Variants in PRDM13 observed in about 807,000 individuals in gnomAD.
The protein encoded by PRDM13 is PR/SET domain 13.
Under a neutral mutation model 36.4 loss-of-function variants are expected in PRDM13, and 15 were observed. The ratio of observed to expected loss-of-function variants is 0.41; its 90% CI spans 0.28 to 0.64. PRDM13 has a LOEUF of 0.64. Among genes scored for constraint, PRDM13 ranks in the 30% least tolerant of loss-of-function variants. The pLI, the probability that PRDM13 is intolerant of heterozygous loss-of-function variation, is 0.29. For missense variants in PRDM13, 1,044 were observed against 1,013.5 expected (o/e 1.03, Z -0.41); for synonymous variants, 531 against 467.7 (o/e 1.14, Z -1.75).
chr6:99,611,331 T>C (rs1770028335), intron 3 of PRDM13, among the ~76,000 whole-genome samples: 1 of 152,090 alleles, frequency 6.6e-6, no homozygotes, highest in South Asian at 2.1e-4. Context: ...GAAAACTCCC[T>C]CTTTCAAAAG....
Position 99,609,046 on chromosome 6 carries a change from C to T in PRDM13, c.277-141C>T. Reference sequence around the variant, plus strand: ...TATTGTTTTTCCGTTTGAAGGATGACGGAAGTGAGGTTCAGAGAGCTCCAG... The same window carrying T: ...TATTGTTTTTCCGTTTGAAGGATGATGGAAGTGAGGTTCAGAGAGCTCCAG... On this transcript the variant is annotated intron_variant, in intron 2 of 3. Transcript: ENST00000369215. 1.8e-5 allele frequency: 25 copies of T among 1,380,858 alleles called. 2 individuals are homozygous for T. In the South Asian group the frequency reaches 3.4e-4, roughly 19 times the overall value. The allele number at this position is 1,380,858 out of a possible 1,614,324, so 85.5% of individuals were successfully genotyped here. A position where few individuals can be genotyped will look rare whatever the true frequency, so the allele number is the denominator to read the frequency against.
intron 3 of PRDM13, among the ~76,000 whole-genome samples, chr6:99,612,239 T>G (rs1334512076): frequency 6.6e-6 from 1 of 152,218 alleles, no homozygotes; most frequent in Non-Finnish European, 1.5e-5. Flanking sequence ...GTTAATTAAT[T>G]ACCAAGTGGC....
In PRDM13 at chr6:99,613,980, G is replaced by T; in HGVS notation, c.1345G>T (p.Gly449Cys). 6.2e-7 allele frequency: 1 copy of T among 1,605,826 alleles called. No individual in the cohort carries two copies. Among genetic ancestry groups the T allele is most frequent in the Non-Finnish European group, 8.5e-7 (1 of 1,177,678 alleles). The change falls in exon 4 of 4, where the codon GGT becomes TGT. Residue 449 changes from glycine to cysteine, a missense_variant. Physicochemically the swap from Gly to Cys is radical, Grantham distance 159 (BLOSUM62 -3). Coordinates refer to ENST00000369215, the MANE Select transcript of PRDM13 (RefSeq NM_021620.4). This position sits in a 1 kb window ranked among gnomAD's most constrained non-coding sequence, Gnocchi z 6.1. ...CCCGGGCGGTCTCAAAGCCTATCCG[G>T]GTGGTGAGTGCAGCCACCTGCCCGC... ...LDPGGLKAYPGGECSHLPAVM... is the reference protein window; with the variant it reads ...LDPGGLKAYPCGECSHLPAVM...
rs1260191546 is a variant in PRDM13, at chr6:99,607,141, A to G, written c.107A>G (p.Tyr36Cys). 5 of 1,613,762 alleles carry G rather than the reference A, an allele frequency of 3.1e-6. No individual in the cohort carries two copies. The Admixed American group carries it at 5.0e-5, about 16-fold the overall frequency. The change falls in exon 1 of 4, where the codon TAC becomes TGC. Residue 36 changes from tyrosine (Y) to cysteine (C), a missense_variant. By Grantham distance (194) the Tyr-to-Cys change is radical. Transcript: ENST00000369215. ...CCTGGTACCTTCAAGCTGGGCAAGT[A>G]CCTGTCAGACCGCAGGGAGCCCGGG... ...PVPGTFKLGKYLSDRREPGPK... is the reference protein window; with the variant it reads ...PVPGTFKLGKCLSDRREPGPK...
At chr6:99,609,834 C>T (rs1770006581) in intron 3 of PRDM13, among the ~76,000 whole-genome samples, 1 of 151,784 alleles carries the variant, frequency 6.6e-6, no homozygotes, top group Non-Finnish European at 1.5e-5. Context: ...TCCAGTGAGC[C>T]GTAATGTTAC....
chr6:99,612,090 G>C (rs1770039042), intron 3 of PRDM13, among the ~76,000 whole-genome samples: 1 of 152,208 alleles, frequency 6.6e-6, no homozygotes, highest in Non-Finnish European at 1.5e-5. Context: ...GTGCCCGGTA[G>C]AGAATTCTGC....
chr6:99,609,953 A>T (rs1268256723), intron 3 of PRDM13, among the ~76,000 whole-genome samples: 1 of 152,222 alleles, frequency 6.6e-6, no homozygotes, highest in Non-Finnish European at 1.5e-5. Flanking sequence ...TTACATCATG[A>T]GTTCCACAGA....
intron 1 of PRDM13, 81 bp downstream of exon 1, chr6:99,607,259 A>G: frequency 6.4e-7 from 1 of 1,563,018 alleles, no homozygotes; most frequent in Non-Finnish European, 8.7e-7. Flanking sequence ...GAGAAAGTGG[A>G]GGAAGGGAGT....
At chr6:99,608,974 G>C (rs1181258320) in intron 2 of PRDM13, 102 bp downstream of exon 2, 1 of 1,472,804 alleles carries the variant, frequency 6.8e-7, no homozygotes, top group African/African-American at 1.4e-5. Flanking sequence ...AAGTACTTTA[G>C]CTAGACGTCT....
intron 1 of PRDM13, 25 bp downstream of exon 1, chr6:99,607,203 C>T: frequency 1.2e-6 from 2 of 1,610,560 alleles, no homozygotes; most frequent in Non-Finnish European, 1.7e-6. Flanking sequence ...GACCTCTGCC[C>T]ACTGCCATTC....
Position 99,614,359 on chromosome 6 carries a change from G to C in PRDM13, c.1724G>C (p.Cys575Ser). Residue 575 changes from cysteine to serine, a missense_variant, in exon 4 of 4, where the codon TGC becomes TCC. Coordinates refer to ENST00000369215, the MANE Select transcript of PRDM13 (RefSeq NM_021620.4). Reference protein sequence around the residue: ...GAGKPKTGHLCLYCGKLYSRK... With the variant: ...GAGKPKTGHLSLYCGKLYSRK... ...GGTAAGCCCAAGACCGGCCACCTGT[G>C]CCTCTACTGTGGCAAGCTGTACTCG... The C allele has an allele frequency of 6.2e-7, 1 of 1,612,910 alleles. No individual in the cohort carries two copies. Among genetic ancestry groups the C allele is most frequent in the Non-Finnish European group, 8.5e-7 (1 of 1,179,840 alleles).
At position 99,613,856 on chromosome 6, in the gene PRDM13, C is replaced by T. The variant is rs1373869715; in HGVS notation, c.1221C>T (p.Arg407=). Residue 407 remains arginine (R), a synonymous_variant, in exon 4 of 4, where the codon CGC becomes CGT. Transcript: ENST00000369215. The surrounding 1 kb of genome is among the most constrained non-coding windows in gnomAD (Gnocchi z 6.1). ...CGTCCGCCTTCAAGCACGTGGAGCG[C>T]GCCCCGCCCGCAGCCGCCGCGCTGC... is the stretch of plus-strand genomic sequence containing the variant. The part of the protein sequence containing the change: ...EEASAFKHVE[R]APPAAAALPG... 4 of 1,506,974 alleles carry T rather than the reference C, an allele frequency of 2.7e-6. No homozygotes were observed. Among genetic ancestry groups the T allele is most frequent in the East Asian group, 2.7e-5 (1 of 36,910 alleles). 93.4% of individuals were successfully genotyped at this position (1,506,974 alleles called of 1,614,324 possible). A position where few individuals can be genotyped will look rare whatever the true frequency, so the allele number is the denominator to read the frequency against.
rs747843877 is a variant in PRDM13 at position 99,608,745 on chromosome 6, G to A, written c.149G>A (p.Arg50His). 13 of 1,605,774 alleles carry A rather than the reference G, an allele frequency of 8.1e-6. No individual in the cohort carries two copies. Among genetic ancestry groups the A allele is most frequent in the East Asian group, 6.7e-5 (3 of 44,682 alleles). ...RREPGPKKKV[R>H]MVRGELVDES... ...CGACCACTGCTTGTGTTGCAGGTGC[G>A]CATGGTGAGAGGGGAGCTGGTGGAC... Residue 50 changes from arginine (R) to histidine (H), a missense_variant, in exon 2 of 4, where the codon CGC becomes CAC. By Grantham distance (29) the Arg-to-His change is conservative (BLOSUM62 0). This residue lies in a region of PRDM13 where 921 missense variants were observed against 865.2 expected (regional missense o/e 1.06). Coordinates refer to ENST00000369215, the MANE Select transcript of PRDM13 (RefSeq NM_021620.4).
At chr6:99,611,994 T>C (rs548582926) in intron 3 of PRDM13, among the ~76,000 whole-genome samples, 3 of 152,330 alleles carry the variant, frequency 2.0e-5, no homozygotes, top group Admixed American at 2.0e-4. Flanking sequence ...TGTCTCTTGA[T>C]TGTGTTCACA....
rs1006325638 is a variant in PRDM13, at chr6:99,613,813, C to A, written c.1178C>A (p.Ser393Tyr). ...SGALRGFPLL[S>Y]VPPEEASAFK... ...GCCCTGCGCGGCTTCCCTCTGCTCT[C>A]CGTCCCCCCGGAAGAGGCGTCCGCC... is the stretch of plus-strand genomic sequence containing the variant. The change falls in exon 4 of 4, where the codon TCC becomes TAC. Residue 393 changes from serine to tyrosine, a missense_variant. Coordinates refer to ENST00000369215, the MANE Select transcript of PRDM13 (RefSeq NM_021620.4). The surrounding 1 kb of genome is among the most constrained non-coding windows in gnomAD (Gnocchi z 6.1). 3 of 1,510,560 alleles carry A rather than the reference C, an allele frequency of 2.0e-6. No homozygotes were observed. The highest frequency in any genetic ancestry group is 2.1e-5 in the Admixed American group (1 of 48,298). The allele number at this position is 1,510,560 out of a possible 1,614,324, so 93.6% of individuals were successfully genotyped here. A position where few individuals can be genotyped will look rare whatever the true frequency, so the allele number is the denominator to read the frequency against.
In PRDM13 at chr6:99,607,077, G is replaced by T; in HGVS notation, c.43G>T (p.Asp15Tyr). 3.1e-6 allele frequency: 5 copies of T among 1,613,234 alleles called. No homozygotes were observed. The highest frequency in any genetic ancestry group is 3.4e-6 in the Non-Finnish European group (4 of 1,179,806). ...AGCGCCAGCCACCAGCGTGAGTGCC[G>T]ACTGCTGCATCCCGGCCGGCTTGCG... is the stretch of plus-strand genomic sequence containing the variant. Reference protein sequence around the residue: ...ARAPATSVSADCCIPAGLRLG... With the variant: ...ARAPATSVSAYCCIPAGLRLG... Residue 15 changes from aspartate (D) to tyrosine (Y), a missense_variant, in exon 1 of 4, where the codon GAC becomes TAC. Physicochemically the swap from Asp to Tyr is radical, Grantham distance 160. Around this residue, in one of 3 missense-constraint regions of PRDM13, gnomAD observed 921 missense variants for 865.2 expected, o/e 1.06. Coordinates refer to ENST00000369215, the MANE Select transcript of PRDM13 (RefSeq NM_021620.4).
chr6:99,613,797 G>A lies in PRDM13; in HGVS notation c.1162G>A (p.Gly388Ser). The part of the protein sequence containing the change: ...PGLPCSGALR[G>S]FPLLSVPPEE... The stretch of plus-strand genomic sequence containing the variant: ...CCTGCCCTGCTCTGGGGCCCTGCGC[G>A]GCTTCCCTCTGCTCTCCGTCCCCCC... Residue 388 changes from glycine (G) to serine (S), a missense_variant, in exon 4 of 4, where the codon GGC becomes AGC. Gly to Ser is a moderately conservative substitution (Grantham distance 56, BLOSUM62 0). Transcript: ENST00000369215. The surrounding 1 kb of genome is among the most constrained non-coding windows in gnomAD (Gnocchi z 6.1). The A allele has an allele frequency of 3.3e-6, 5 of 1,507,728 alleles. No homozygotes were observed. The highest frequency in any genetic ancestry group is 2.7e-5 in the East Asian group (1 of 37,162). The allele number at this position is 1,507,728 out of a possible 1,614,324, so 93.4% of individuals were successfully genotyped here. A position where few individuals can be genotyped will look rare whatever the true frequency, so the allele number is the denominator to read the frequency against.
At chr6:99,607,421 C>A (rs1301618483) in intron 1 of PRDM13, among the ~76,000 whole-genome samples, 2 of 152,060 alleles carry the variant, frequency 1.3e-5, no homozygotes, top group Admixed American at 6.6e-5. Context: ...GTGCACTGAG[C>A]GCTGTAGGTG....
rs770384917 is a variant in PRDM13, at chr6:99,613,335, G to A, written c.700G>A (p.Ala234Thr). The part of the protein sequence containing the change: ...REGIKREASS[A>T]PSATSPTPGK... Reference sequence around the variant, plus strand: ...GGGCATCAAGCGCGAGGCCTCTTCCGCGCCCTCGGCCACCTCGCCGACCCC... The same window carrying A: ...GGGCATCAAGCGCGAGGCCTCTTCCACGCCCTCGGCCACCTCGCCGACCCC... The change falls in exon 4 of 4, where the codon GCG becomes ACG. Residue 234 changes from alanine to threonine, a missense_variant. By Grantham distance (58) the Ala-to-Thr change is moderately conservative. Transcript: ENST00000369215. This position sits in a 1 kb window ranked among gnomAD's most constrained non-coding sequence, Gnocchi z 6.1. The A allele has an allele frequency of 1.4e-5, 21 of 1,551,604 alleles. No homozygotes were observed. Among genetic ancestry groups the A allele is most frequent in the Middle Eastern group, 1.7e-4 (1 of 5,924 alleles).
Sources: allele counts gnomAD v4.1 joint callset (sites outside exome capture counted in the v4.1 genomes callset), GRCh38; gene constraint gnomAD v4.1.1; regional missense constraint gnomAD v4.1.1; non-coding constraint Gnocchi (gnomAD v3.1); transcripts MANE v1.5; gene names NCBI Gene and HGNC (gene_info 2026-07-23, HGNC 2026-07-21).